PALLD: variants seen among roughly 807,000 people sequenced by gnomAD.
PALLD encodes the protein palladin.
PALLD carries 61 observed loss-of-function variants against 123.5 expected under a neutral mutation model. The ratio of observed to expected loss-of-function variants is 0.49; its 90% CI spans 0.40 to 0.61. PALLD has a LOEUF of 0.61. Among genes scored for constraint, PALLD ranks in the 20% least tolerant of loss-of-function variants. PALLD has a pLI of 0.00. For missense variants in PALLD, 1,273 were observed against 1,377.0 expected, an observed-to-expected ratio of 0.92 and a Z score of 1.20; for synonymous variants, 465 against 496.4, an observed-to-expected ratio of 0.94 and a Z score of 0.84.
chr4:168,649,158 C>G (rs1777785207), intron 2 of PALLD, among the ~76,000 whole-genome samples: 2 of 152,260 alleles, frequency 1.3e-5, no homozygotes, highest in African/African-American at 4.8e-5. Flanking sequence ...CCTGACGTGT[C>G]ACATTCTGCA....
intron 10 of PALLD, among the ~76,000 whole-genome samples, chr4:168,830,079 A>C (rs963410557): frequency 1.3e-5 from 2 of 152,020 alleles, no homozygotes; most frequent in Non-Finnish European, 2.9e-5. Context: ...AAAAACTACA[A>C]AAATTAGCTG....
intron 10 of PALLD, among the ~76,000 whole-genome samples, chr4:168,761,327 G>T (rs1732795590): frequency 6.6e-6 from 1 of 152,056 alleles, no homozygotes; most frequent in Non-Finnish European, 1.5e-5. Context: ...CCGCTGTAGG[G>T]CTACTCTGGA....
intron 2 of PALLD, among the ~76,000 whole-genome samples, chr4:168,665,623 A>G (rs1779570321): frequency 1.3e-5 from 2 of 152,238 alleles, no homozygotes; most frequent in Admixed American, 1.3e-4. Context: ...ATGGAAAGCC[A>G]AGACTCTGTG....
At chr4:168,865,672 T>G (rs1392174961) in intron 10 of PALLD, among the ~76,000 whole-genome samples, 1 of 152,202 alleles carries the variant, frequency 6.6e-6, no homozygotes, top group East Asian at 1.9e-4. Context: ...CTAAATTGTA[T>G]CACATTTAGT....
intron 10 of PALLD, among the ~76,000 whole-genome samples, chr4:168,715,165 T>C (rs1403764353): frequency 1.3e-5 from 2 of 152,004 alleles, no homozygotes; most frequent in Non-Finnish European, 2.9e-5. Flanking sequence ...AAAGTGAGGG[T>C]TCCTGGCCCA....
intron 2 of PALLD, among the ~76,000 whole-genome samples, chr4:168,664,175 T>C: frequency 6.6e-6 from 1 of 152,236 alleles, no homozygotes; most frequent in East Asian, 1.9e-4. Context: ...GAGTACCTGC[T>C]AACAACCCGT....
chr4:168,625,502 G>GATAGATAGATAGATAGATATATATATAT, intron 2 of PALLD, among the ~76,000 whole-genome samples: 19 of 114,472 alleles, frequency 1.7e-4, no homozygotes, highest in Non-Finnish European at 2.7e-4. Flanking sequence ...ATATCCAGGA[G>GATAGATAGATAGATAGATATATATATAT]ATATATATAT....
chr4:168,914,992 A>G (rs1016008807), intron 16 of PALLD, among the ~76,000 whole-genome samples: 1 of 152,218 alleles, frequency 6.6e-6, no homozygotes, highest in African/African-American at 2.4e-5. Context: ...CATATACAGG[A>G]TTAGGTCCAT....
intron 2 of PALLD, among the ~76,000 whole-genome samples, chr4:168,653,791 C>T (rs913454702): frequency 6.6e-6 from 1 of 152,156 alleles, no homozygotes; most frequent in African/African-American, 2.4e-5. Flanking sequence ...ACCTCTGCCT[C>T]CCGGGTTCAC....
At chr4:168,726,047 T>C (rs1254593000) in intron 10 of PALLD, among the ~76,000 whole-genome samples, 1 of 152,162 alleles carries the variant, frequency 6.6e-6, no homozygotes, top group African/African-American at 2.4e-5. Flanking sequence ...CAAAACAATT[T>C]TACACAGATA....
intron 10 of PALLD, among the ~76,000 whole-genome samples, chr4:168,875,898 T>G (rs1047216182): frequency 3.9e-5 from 6 of 152,192 alleles, no homozygotes; most frequent in African/African-American, 1.2e-4. Flanking sequence ...TCACATCAGG[T>G]ACAGAGCGTG....
chr4:168,876,628 G>A (rs113610762), intron 10 of PALLD, among the ~76,000 whole-genome samples: 2,817 of 152,284 alleles, frequency 0.018, 85 homozygotes, highest in African/African-American at 0.064. Context: ...CATGATACTT[G>A]AGAAAAGACC....
chr4:168,706,484 T>C (rs1383225239), intron 8 of PALLD, among the ~76,000 whole-genome samples: 2 of 152,220 alleles, frequency 1.3e-5, no homozygotes, highest in Non-Finnish European at 2.9e-5. Flanking sequence ...TGAGCTACAC[T>C]ACAATGCTAA....
chr4:168,502,160 G>A (rs1191369489), intron 1 of PALLD, among the ~76,000 whole-genome samples: 2 of 151,578 alleles, frequency 1.3e-5, no homozygotes, highest in Non-Finnish European at 2.9e-5. Context: ...AAAACAATGA[G>A]AAAAGTAAGC....
At chr4:168,634,070 G>A (rs988476277) in intron 2 of PALLD, among the ~76,000 whole-genome samples, 1 of 152,188 alleles carries the variant, frequency 6.6e-6, no homozygotes, top group African/African-American at 2.4e-5. Flanking sequence ...AACAAGCTCG[G>A]TGTCTCTTAA....
chr4:168,811,108 A>G (rs1409370434), intron 10 of PALLD, among the ~76,000 whole-genome samples: 1 of 152,228 alleles, frequency 6.6e-6, no homozygotes, highest in Non-Finnish European at 1.5e-5. Flanking sequence ...AGCATTTATT[A>G]CAGTGAATCT....
chr4:168,889,313 A>G (rs1753829569), intron 10 of PALLD, among the ~76,000 whole-genome samples: 1 of 150,980 alleles, frequency 6.6e-6, no homozygotes, highest in African/African-American at 2.4e-5. Flanking sequence ...ACAGGCGCCC[A>G]CCACCACACC....
intron 10 of PALLD, among the ~76,000 whole-genome samples, chr4:168,768,219 C>A (rs2150483916): frequency 6.6e-6 from 1 of 152,278 alleles, no homozygotes; most frequent in Middle Eastern, 3.4e-3. Flanking sequence ...TTGGATGCAC[C>A]TGACCACAAT....
At chr4:168,696,982 GA>G (rs1783190935) in intron 8 of PALLD, among the ~76,000 whole-genome samples, 1 of 152,118 alleles carries the variant, frequency 6.6e-6, no homozygotes, top group Admixed American at 6.6e-5. Flanking sequence ...ACAACATATG[GA>G]ATAAACCCAG....
Sources: allele counts gnomAD v4.1 joint callset (sites outside exome capture counted in the v4.1 genomes callset), GRCh38; gene constraint gnomAD v4.1.1; transcripts MANE v1.5; gene names NCBI Gene and HGNC (gene_info 2026-07-23, HGNC 2026-07-21).